The following MAML2 variants were observed in gnomAD, a reference collection of about 807,000 sequenced individuals.
The protein encoded by MAML2 is mastermind-like protein 2.
A neutral mutation model predicts 96.1 loss-of-function variants in MAML2; 22 were observed. The ratio of observed to expected loss-of-function variants is 0.23; its 90% CI spans 0.16 to 0.33. The LOEUF (loss-of-function observed/expected upper bound fraction) is 0.33. Among genes scored for constraint, MAML2 ranks in the 10% least tolerant of loss-of-function variants. The pLI is 1.00. For synonymous variants in MAML2, 561 were observed against 521.3 expected (o/e 1.08, Z -1.04); for missense variants, 1,367 against 1,392.4 (o/e 0.98, Z 0.29).
chr11:95,991,602 A>T lies in MAML2; in HGVS notation c.2261T>A (p.Met754Lys), dbSNP rs1186071058. Residue 754 changes from methionine to lysine, a missense_variant, in exon 3 of 5, where the codon ATG (methionine) becomes AAG (lysine). Physicochemically the swap from Met to Lys is moderately conservative, Grantham distance 95. Coordinates refer to ENST00000524717, the MANE Select transcript of MAML2 (RefSeq NM_032427.4). ...SQQSLLNQQLMGKKQTLQRQI... is the reference protein window; with the variant it reads ...SQQSLLNQQLKGKKQTLQRQI... ...CCTCTGTAGAGTCTGCTTCTTTCCC[A>T]TCAATTGCTGATTCAACAGTGATTG... 6.2e-7 allele frequency: 1 copy of T among 1,613,766 alleles called. No individual in the cohort carries two copies. The highest frequency in any genetic ancestry group is 1.7e-5 in the Admixed American group (1 of 60,000).
At chr11:96,274,152 G>T (rs1157215017) in intron 1 of MAML2, among the ~76,000 whole-genome samples, 1 of 141,646 alleles carries the variant, frequency 7.1e-6, no homozygotes, top group African/African-American at 2.6e-5. Context: ...GCGCCATCTT[G>T]GCTCACTGCA....
chr11:96,210,519 A>T (rs1279765257), intron 1 of MAML2, among the ~76,000 whole-genome samples: 1 of 152,230 alleles, frequency 6.6e-6, no homozygotes, highest in Non-Finnish European at 1.5e-5. Context: ...GTATTCATTC[A>T]TTTAATATAG....
intron 1 of MAML2, among the ~76,000 whole-genome samples, chr11:96,109,736 T>G (rs1452425396): frequency 6.6e-6 from 1 of 151,680 alleles, no homozygotes; most frequent in Non-Finnish European, 1.5e-5. Context: ...AAACGATGGG[T>G]TCAAGTTTGG....
rs766269953 is a variant in MAML2, at chr11:95,979,691, G to A, written c.2728C>T (p.Arg910Trp). The change falls in exon 5 of 5, where the codon CGG becomes TGG. Residue 910 changes from arginine to tryptophan, a missense_variant. Physicochemically the swap from Arg to Trp is moderately radical, Grantham distance 101. Transcript: ENST00000524717. Reference sequence around the variant, plus strand: ...TTACTTGGCCCTAAGGTAGGTGGCCGTGGCATCATAGGGTTGTTTTGATTT... The same window carrying A: ...TTACTTGGCCCTAAGGTAGGTGGCCATGGCATCATAGGGTTGTTTTGATTT... ...LANQNNPMMP[R>W]PPTLGPSNNN... 44 of 1,613,856 alleles carry A rather than the reference G, an allele frequency of 2.7e-5. No homozygotes were observed. Among genetic ancestry groups the A allele is most frequent in the East Asian group, 1.3e-4 (6 of 44,898 alleles).
At chr11:96,117,727 A>G (rs1860268336) in intron 1 of MAML2, among the ~76,000 whole-genome samples, 1 of 152,200 alleles carries the variant, frequency 6.6e-6, no homozygotes, top group Non-Finnish European at 1.5e-5. Flanking sequence ...GAAGATTCTT[A>G]GAACAAAAAT....
intron 1 of MAML2, among the ~76,000 whole-genome samples, chr11:96,174,443 G>A (rs892505762): frequency 6.6e-6 from 1 of 152,186 alleles, no homozygotes; most frequent in South Asian, 2.1e-4. Flanking sequence ...GAGTGCAATG[G>A]CACAGTCTCG....
intron 1 of MAML2, among the ~76,000 whole-genome samples, chr11:96,285,086 C>A (rs1863120496): frequency 6.6e-6 from 1 of 152,132 alleles, no homozygotes; most frequent in Non-Finnish European, 1.5e-5. Context: ...TGTCCAAAGT[C>A]ACACAGCTAC....
intron 1 of MAML2, among the ~76,000 whole-genome samples, chr11:96,261,571 G>A (rs913459362): frequency 2.0e-5 from 3 of 152,168 alleles, no homozygotes; most frequent in Admixed American, 6.5e-5. Flanking sequence ...CGAAGGTATC[G>A]TCTAATGGGG....
intron 2 of MAML2, among the ~76,000 whole-genome samples, chr11:95,998,870 A>G (rs1334560074): frequency 6.6e-6 from 1 of 152,180 alleles, no homozygotes; most frequent in East Asian, 1.9e-4. Flanking sequence ...TTTTTACTTC[A>G]TTGGTTTAAT....
chr11:96,238,195 C>T (rs560320088), intron 1 of MAML2, among the ~76,000 whole-genome samples: 1 of 152,264 alleles, frequency 6.6e-6, no homozygotes, highest in South Asian at 2.1e-4. Context: ...ATAAAACTGC[C>T]ATTTACACTA....
chr11:96,148,857 T>A lies in MAML2; in HGVS notation c.514-55340A>T, dbSNP rs117183036. Among the ~76,000 whole-genome samples the A allele has an allele frequency of 1.5e-3, 221 of 152,296 alleles. 4 individuals are homozygous for A. In the East Asian group the frequency reaches 0.036, roughly 25 times the overall value. ...AGAGGAGTTGAGACAAAGCTTTAAG[T>A]CCATCTACATTTTGACGAATGGATT... is the stretch of plus-strand genomic sequence containing the variant. On this transcript the variant is annotated intron_variant, in intron 1 of 4. Transcript: ENST00000524717.
chr11:96,244,261 A>C (rs545801974), intron 1 of MAML2, among the ~76,000 whole-genome samples: 3 of 152,252 alleles, frequency 2.0e-5, no homozygotes, highest in Admixed American at 2.0e-4. Context: ...ATTTGACTGC[A>C]CACAACAATG....
chr11:96,166,175 T>TCACACA (rs1283060567), intron 1 of MAML2, among the ~76,000 whole-genome samples: 121 of 101,870 alleles, frequency 1.2e-3, no homozygotes, highest in African/African-American at 2.6e-3. Context: ...TCTCTCTCTC[T>TCACACA]CTCACACACA....
intron 2 of MAML2, among the ~76,000 whole-genome samples, chr11:96,012,096 C>G (rs1388835046): frequency 6.6e-6 from 1 of 152,140 alleles, no homozygotes; most frequent in Non-Finnish European, 1.5e-5. Flanking sequence ...TCAGCTGAGC[C>G]AAACTCTTAG....
chr11:96,339,570 A>G (rs1222741835), intron 1 of MAML2, among the ~76,000 whole-genome samples: 5 of 152,158 alleles, frequency 3.3e-5, no homozygotes, highest in Non-Finnish European at 5.9e-5. Context: ...CCGGGCAGAG[A>G]TCAGTCTTCT....
At chr11:96,236,966 C>T (rs1164307621) in intron 1 of MAML2, among the ~76,000 whole-genome samples, 8 of 152,182 alleles carry the variant, frequency 5.3e-5, no homozygotes, top group Admixed American at 5.2e-4. Flanking sequence ...TCCCAAAGAA[C>T]AGCACTGTCT....
intron 1 of MAML2, among the ~76,000 whole-genome samples, chr11:96,337,428 T>C (rs1863934879): frequency 6.6e-6 from 1 of 152,244 alleles, no homozygotes; most frequent in Non-Finnish European, 1.5e-5. Context: ...TTTTAGACAA[T>C]TGTTGACAAA....
At chr11:96,013,990 C>T (rs1240448131) in intron 2 of MAML2, among the ~76,000 whole-genome samples, 4 of 152,178 alleles carry the variant, frequency 2.6e-5, no homozygotes, top group African/African-American at 9.7e-5. Context: ...TAAGAGAGCA[C>T]GCTGTAACAC....
At chr11:96,157,525 T>A (rs1229016426) in intron 1 of MAML2, among the ~76,000 whole-genome samples, 1 of 152,248 alleles carries the variant, frequency 6.6e-6, no homozygotes, top group African/African-American at 2.4e-5. Flanking sequence ...CCACCACCAT[T>A]CTTGTCAGTT....
Sources: gnomAD v4.1 joint callset for allele counts (sites outside exome capture counted in the v4.1 genomes callset) on GRCh38, gnomAD v4.1.1 for gene constraint, MANE v1.5 for transcripts, NCBI Gene and HGNC (gene_info 2026-07-23, HGNC 2026-07-21) for gene names.